CCDC40: variants seen among roughly 807,000 people sequenced by gnomAD.
CCDC40 encodes the protein coiled-coil domain-containing protein 40.
Under a neutral mutation model 124.5 loss-of-function variants are expected in CCDC40, and 104 were observed. The ratio of observed to expected loss-of-function variants is 0.84; its 90% CI spans 0.71 to 0.98. CCDC40 has a LOEUF of 0.98. Ranked by LOEUF, CCDC40 falls within the 50% of genes least tolerant of loss-of-function variation. The pLI is 0.00. For missense variants in CCDC40, 1,463 were observed against 1,503.9 expected, an observed-to-expected ratio of 0.97 and a Z score of 0.45; for synonymous variants, 580 against 602.9, an observed-to-expected ratio of 0.96 and a Z score of 0.56.
chr17:80,056,965 C>T (rs2037763440), intron 7 of CCDC40, among the ~76,000 whole-genome samples: 1 of 147,404 alleles, frequency 6.8e-6, no homozygotes. Flanking sequence ...GGCGTGAACC[C>T]GGGACGCAGA....
At chr17:80,037,690 G>A (rs12602725) in intron 1 of CCDC40, among the ~76,000 whole-genome samples, 9,796 of 91,882 alleles carry the variant, frequency 0.11, 649 homozygotes, top group Middle Eastern at 0.19. Flanking sequence ...TTTTAAAAAA[G>A]ATATACATAT....
Position 80,088,356 on chromosome 17 carries a change from A to AT in CCDC40, c.2711+258dup. On this transcript the variant is annotated intron_variant, in intron 16 of 19. Coordinates refer to ENST00000397545, the MANE Select transcript of CCDC40 (RefSeq NM_017950.4). Reference sequence around the variant, plus strand: ...AACCTCTGCCTCCCAGCTTCAAGTGATTTTCCTGCCTCAACCTCCTGAGTA... The same window carrying AT: ...AACCTCTGCCTCCCAGCTTCAAGTGATTTTTCCTGCCTCAACCTCCTGAGTA... 3 of 517,938 alleles carry AT rather than the reference A, an allele frequency of 5.8e-6. No homozygotes were observed. The East Asian group carries it at 1.1e-4, about 19-fold the overall frequency. 32.1% of individuals were successfully genotyped at this position (517,938 alleles called of 1,614,324 possible).
intron 10 of CCDC40, among the ~76,000 whole-genome samples, chr17:80,073,065 C>T (rs1178315902): frequency 6.6e-6 from 1 of 152,000 alleles, no homozygotes; most frequent in Non-Finnish European, 1.5e-5. Flanking sequence ...TGCAGTGGGG[C>T]GATCTTGGCT....
intron 10 of CCDC40, among the ~76,000 whole-genome samples, chr17:80,071,003 C>T (rs1009329998): frequency 2.0e-5 from 3 of 152,194 alleles, no homozygotes; most frequent in Admixed American, 6.5e-5. Flanking sequence ...GCCTGCCACA[C>T]CAACCCTTCA....
At chr17:80,041,019 A>G (rs980025410) in intron 3 of CCDC40, among the ~76,000 whole-genome samples, 2 of 152,266 alleles carry the variant, frequency 1.3e-5, no homozygotes, top group Non-Finnish European at 2.9e-5. Context: ...AGATAAAAAC[A>G]ATGACAATAG....
chr17:80,050,277 A>C lies in CCDC40; in HGVS notation c.1153A>C (p.Lys385Gln), dbSNP rs1052231640. 1.3e-5 allele frequency: 20 copies of C among 1,559,372 alleles called. No homozygotes were observed. The highest frequency in any genetic ancestry group is 7.7e-5 in the Admixed American group (4 of 51,882). Reference sequence around the variant, plus strand: ...CTGCGCAGCCGCCAACGAGGAGCGCAAAAAGTGTAAGGCAACCCGGCAGCC... The same window carrying C: ...CTGCGCAGCCGCCAACGAGGAGCGCCAAAAGTGTAAGGCAACCCGGCAGCC... Reference protein sequence around the residue: ...KTCAAANEERKKLAALQTEME... With the variant: ...KTCAAANEERQKLAALQTEME... The change falls in exon 7 of 20, where the codon AAA becomes CAA. Residue 385 changes from lysine to glutamine, a missense_variant. By Grantham distance (53) the Lys-to-Gln change is moderately conservative. Transcript: ENST00000397545.
intron 9 of CCDC40, among the ~76,000 whole-genome samples, chr17:80,060,723 A>G (rs1423482554): frequency 6.6e-6 from 1 of 152,122 alleles, no homozygotes; most frequent in East Asian, 1.9e-4. Context: ...TCTAGAGGCT[A>G]AAATAATGTG....
intron 10 of CCDC40, among the ~76,000 whole-genome samples, chr17:80,069,392 C>A (rs2038132232): frequency 6.6e-6 from 1 of 152,154 alleles, no homozygotes; most frequent in African/African-American, 2.4e-5. Flanking sequence ...TGCACACGGT[C>A]ATAAAAGTTC....
chr17:80,065,425 G>A, intron 9 of CCDC40, 60 bp from the exon 10 acceptor site: 7 of 1,609,550 alleles, frequency 4.3e-6, no homozygotes, highest in Non-Finnish European at 5.1e-6. Context: ...TGGTGTTCTT[G>A]GGCTTTGCTC....
Position 80,097,394 on chromosome 17 carries a change from C to T in CCDC40, c.3171C>T (p.Leu1057=), listed in dbSNP as rs760730751. Residue 1057 remains leucine, a synonymous_variant, in exon 19 of 20, where the codon CTC becomes CTT. Transcript: ENST00000397545. The stretch of plus-strand genomic sequence containing the variant: ...CCGACCTCACCCGGCTTGGGGCCCT[C>T]AAACGACAGGTAAACGTGTCCCAGG... The part of the protein sequence containing the change: ...LEADLTRLGA[L]KRQNLSEIVA... 6.2e-7 allele frequency: 1 copy of T among 1,613,924 alleles called. No homozygotes were observed. The highest frequency in any genetic ancestry group is 1.1e-5 in the South Asian group (1 of 91,084).
chr17:80,089,039 G>A (rs1328809743), intron 16 of CCDC40, among the ~76,000 whole-genome samples: 1 of 152,200 alleles, frequency 6.6e-6, no homozygotes, highest in Non-Finnish European at 1.5e-5. Flanking sequence ...TATACAATGC[G>A]TGCAAAGTAC....
chr17:80,080,952 G>A (rs765686503), intron 10 of CCDC40, among the ~76,000 whole-genome samples: 29 of 152,330 alleles, frequency 1.9e-4, no homozygotes, highest in Middle Eastern at 3.4e-3. Context: ...GAAGGATCAT[G>A]TGTGAGGTGA....
chr17:80,084,704 G>T, intron 12 of CCDC40, 39 bp from the exon 13 acceptor site: 2 of 1,611,974 alleles, frequency 1.2e-6, no homozygotes, highest in Non-Finnish European at 1.7e-6. Flanking sequence ...GGCCTTGGGT[G>T]GGGGCAATAT....
rs1217114833 is a variant in CCDC40, at chr17:80,051,301, G to T, written c.1159+1018G>T. 4.1e-6 allele frequency: 4 copies of T among 983,550 alleles called. No homozygotes were observed. In the African/African-American group the frequency reaches 7.0e-5, roughly 17 times the overall value. 60.9% of individuals were successfully genotyped at this position (983,550 alleles called of 1,614,324 possible). A position where few individuals can be genotyped will look rare whatever the true frequency, so the allele number is the denominator to read the frequency against. On this transcript the variant is annotated intron_variant, in intron 7 of 19. Transcript: ENST00000397545. Reference sequence around the variant, plus strand: ...CCTGAGAAAAGTGGAAGAGGTTCTGGAAATTTCAGAGTTAGGGTAAGTGGG... The same window carrying T: ...CCTGAGAAAAGTGGAAGAGGTTCTGTAAATTTCAGAGTTAGGGTAAGTGGG...
At chr17:80,065,216 C>T (rs559866491) in intron 9 of CCDC40, among the ~76,000 whole-genome samples, 5 of 120,446 alleles carry the variant, frequency 4.2e-5, no homozygotes, top group Admixed American at 1.6e-4. Context: ...TCCTCCCTCC[C>T]CCTTCCTCCC....
intron 18 of CCDC40, among the ~76,000 whole-genome samples, chr17:80,096,954 C>A (rs1310906286): frequency 1.3e-5 from 2 of 152,238 alleles, no homozygotes; most frequent in African/African-American, 4.8e-5. Flanking sequence ...CACACGGCTG[C>A]TGAACTGTGC....
At chr17:80,037,689 AGATATACATAT>A (rs1568664907) in intron 1 of CCDC40, among the ~76,000 whole-genome samples, 2 of 95,166 alleles carry the variant, frequency 2.1e-5, no homozygotes. Flanking sequence ...TTTTTAAAAA[AGATATACATAT>A]ATATATATAT....
chr17:80,056,719 G>A (rs2037757773), intron 7 of CCDC40, among the ~76,000 whole-genome samples: 1 of 151,912 alleles, frequency 6.6e-6, no homozygotes, highest in South Asian at 2.1e-4. Flanking sequence ...GAAAAGGAAG[G>A]ATAATGAAAG....
intron 4 of CCDC40, among the ~76,000 whole-genome samples, chr17:80,048,136 G>A (rs527317459): frequency 6.6e-6 from 1 of 152,284 alleles, no homozygotes; most frequent in African/African-American, 2.4e-5. Context: ...GCGGGTGCCT[G>A]TAATCCCCAG....
Sources: gnomAD v4.1 joint callset for allele counts (sites outside exome capture counted in the v4.1 genomes callset) on GRCh38, gnomAD v4.1.1 for gene constraint, MANE v1.5 for transcripts, NCBI Gene and HGNC (gene_info 2026-07-23, HGNC 2026-07-21) for gene names.